The following XPO5 variants were observed in gnomAD, a reference collection of about 807,000 sequenced individuals.
XPO5 encodes exportin 5, also known as exportin-5.
Under a neutral mutation model 160.6 loss-of-function variants are expected in XPO5, and 46 were observed. The observed-to-expected ratio is 0.29, with a 90% CI of 0.23 to 0.37. The LOEUF (loss-of-function observed/expected upper bound fraction) is 0.37, where lower values mean the gene tolerates loss of function less well. Ranked by LOEUF, XPO5 falls within the 10% of genes least tolerant of loss-of-function variation. The pLI, the probability that XPO5 is intolerant of heterozygous loss-of-function variation, is 1.00. For missense variants in XPO5, 1,090 were observed against 1,463.9 expected (o/e 0.74, Z 4.17); for synonymous variants, 537 against 519.3 (o/e 1.03, Z -0.46).
chr6:43,542,613 A>G (rs572893502), intron 20 of XPO5, among the ~76,000 whole-genome samples: 1 of 152,016 alleles, frequency 6.6e-6, no homozygotes, highest in South Asian at 2.1e-4. Context: ...TTGAGTAGAG[A>G]CGGGGTTTCA....
Position 43,531,598 on chromosome 6 carries a change from A to G in XPO5, c.2444-23T>C, listed in dbSNP as rs772823582. On this transcript the variant is annotated intron_variant, in intron 21 of 31. Transcript: ENST00000265351. The stretch of plus-strand genomic sequence containing the variant: ...ATCCTACAGGGAAATACGGGTCAAG[A>G]ACATGATGCTCCACTGTCAGGAGTC... 4 of 1,591,036 alleles carry G rather than the reference A, an allele frequency of 2.5e-6. No homozygotes were observed. In the African/African-American group the frequency reaches 4.0e-5, roughly 16 times the overall value.
At chr6:43,526,041 G>A in intron 27 of XPO5, 120 bp from the exon 28 acceptor site, 1 of 1,078,850 alleles carries the variant, frequency 9.3e-7, no homozygotes, top group Non-Finnish European at 1.4e-6. Context: ...TGGTGGCTAA[G>A]TAGTACTAGG....
intron 9 of XPO5, chr6:43,561,270 A>T (rs1413640192): frequency 2.6e-6 from 1 of 383,206 alleles, no homozygotes. Context: ...AATAAAAAAC[A>T]CTCATTTCAG....
intron 2 of XPO5, 129 bp downstream of exon 2, chr6:43,573,346 AACATC>A (rs1763109231): frequency 8.3e-7 from 1 of 1,203,634 alleles, no homozygotes; most frequent in East Asian, 2.6e-5. Context: ...AGGTTCTGAT[AACATC>A]TAGGGGATCA....
In XPO5 at chr6:43,575,795, T is replaced by C. The variant is rs1554137468; in HGVS notation, c.70A>G (p.Asn24Asp). The change falls in exon 1 of 32, where the codon AAC (asparagine) becomes GAC (aspartate). Residue 24 changes from asparagine (N) to aspartate (D), a missense_variant. Coordinates refer to ENST00000265351, the MANE Select transcript of XPO5 (RefSeq NM_020750.3). ...VKAVTVMMDP[N>D]STQRYRLEAL... is the part of the protein sequence containing the mutation. ...TCCAGCCGGTAGCGCTGGGTGGAGTTGGGGTCCATCATGACCGTCACCGCT... is the reference window on the plus strand; with the variant it reads ...TCCAGCCGGTAGCGCTGGGTGGAGTCGGGGTCCATCATGACCGTCACCGCT... 3 of 1,613,728 alleles carry C rather than the reference T, an allele frequency of 1.9e-6. No individual in the cohort carries two copies. The highest frequency in any genetic ancestry group is 2.5e-6 in the Non-Finnish European group (3 of 1,179,730).
rs766718728 is a variant in XPO5, at chr6:43,570,893, G to A, written c.402C>T (p.Asp134=). Residue 134 remains aspartate, a synonymous_variant, in exon 4 of 32, where the codon GAC becomes GAT. Coordinates refer to ENST00000265351, the MANE Select transcript of XPO5 (RefSeq NM_020750.3). Reference sequence around the variant, plus strand: ...AAAGAGTGTCCAATTCTATTAGCATGTCAGGCCAATGCTGTGGCCACTCTC... The same window carrying A: ...AAAGAGTGTCCAATTCTATTAGCATATCAGGCCAATGCTGTGGCCACTCTC... ...IKREWPQHWP[D]MLIELDTLSK... 7.4e-6 allele frequency: 12 copies of A among 1,613,198 alleles called. No individual in the cohort carries two copies. The South Asian group carries it at 1.3e-4, about 18-fold the overall frequency.
At chr6:43,561,347 C>T (rs939718179) in intron 9 of XPO5, 2 of 223,972 alleles carry the variant, frequency 8.9e-6, no homozygotes, top group African/African-American at 2.3e-5. Flanking sequence ...CTCTGTGTCC[C>T]AACCTATTAC....
intron 12 of XPO5, chr6:43,556,245 T>G: frequency 3.0e-6 from 1 of 335,842 alleles, no homozygotes; most frequent in East Asian, 6.3e-5. Flanking sequence ...AAATCAGGAT[T>G]GGGCACAGTA....
At chr6:43,568,501 G>C (rs967501965) in intron 6 of XPO5, among the ~76,000 whole-genome samples, 1 of 152,028 alleles carries the variant, frequency 6.6e-6, no homozygotes, top group Non-Finnish European at 1.5e-5. Flanking sequence ...AGCTACTCAT[G>C]AAGTTGAGGT....
rs776064724 is a variant in XPO5, at chr6:43,551,375, A to C, written c.1651T>G (p.Cys551Gly). The change falls in exon 15 of 32, where the codon TGC becomes GGC. Residue 551 changes from cysteine (C) to glycine (G), a missense_variant. Around this residue, in one of 3 missense-constraint regions of XPO5, gnomAD observed 810 missense variants for 1,139.0 expected, o/e 0.71. Coordinates refer to ENST00000265351, the MANE Select transcript of XPO5 (RefSeq NM_020750.3). ...AGTGCAGAGACATTAGTAAGGACGC[A>C]GGACAGGATGAGGGGATCCTTGGTA... Reference protein sequence around the residue: ...FDTKDPLILSCVLTNVSALFP... With the variant: ...FDTKDPLILSGVLTNVSALFP... The C allele has an allele frequency of 9.9e-6, 16 of 1,614,002 alleles. No individual in the cohort carries two copies. In the East Asian group the frequency reaches 3.6e-4, roughly 36 times the overall value.
chr6:43,567,408 A>G, intron 6 of XPO5, 54 bp from the exon 7 acceptor site: 6 of 1,496,952 alleles, frequency 4.0e-6, no homozygotes, highest in Non-Finnish European at 4.5e-6. Context: ...CAGGTAAGGA[A>G]TCAGTGGTTA....
At chr6:43,536,417 C>CAA (rs34540299) in intron 20 of XPO5, among the ~76,000 whole-genome samples, 10 of 137,448 alleles carry the variant, frequency 7.3e-5, no homozygotes, top group Non-Finnish European at 1.2e-4. Context: ...TCCAACTCGA[C>CAA]AAAAAAAAAA....
At chr6:43,561,927 CAG>C (rs1212974171) in intron 9 of XPO5, 1 of 192,532 alleles carries the variant, frequency 5.2e-6, no homozygotes, top group Non-Finnish European at 1.1e-5. Context: ...CGTGGGCTAA[CAG>C]AATGTAAAAG....
At position 43,524,557 on chromosome 6, in the gene XPO5, A is replaced by G. The variant is rs1444719079; in HGVS notation, c.3391T>C (p.Cys1131Arg). The change falls in exon 31 of 32, where the codon TGC becomes CGC. Residue 1131 changes from cysteine (C) to arginine (R), a missense_variant. Physicochemically the swap from Cys to Arg is radical, Grantham distance 180. This residue lies in a region of XPO5 where 810 missense variants were observed against 1,139.0 expected (regional missense o/e 0.71). Transcript: ENST00000265351. ...TGCAGGGAGGGGTTTAAAAGCTTGC[A>G]GTCAAACTGGTCCAGTGAGTCCTTC... is the stretch of plus-strand genomic sequence containing the variant. The part of the protein sequence containing the change: ...IQKDSLDQFD[C>R]KLLNPSLQKV... The G allele has an allele frequency of 3.1e-6, 5 of 1,613,874 alleles. No homozygotes were observed. Among genetic ancestry groups the G allele is most frequent in the Non-Finnish European group, 4.2e-6 (5 of 1,179,898 alleles).
In XPO5 at chr6:43,575,735, C is replaced by T. The variant is rs563064974; in HGVS notation, c.105+25G>A. On this transcript the variant is annotated intron_variant, in intron 1 of 31. Coordinates refer to ENST00000265351, the MANE Select transcript of XPO5 (RefSeq NM_020750.3). ...GGCTGGGAGAGGGTGTCGGGACCGG[C>T]CCAGGACGCCAGGACCCCAGCTACC... is the stretch of plus-strand genomic sequence containing the variant. 1.9e-6 allele frequency: 3 copies of T among 1,598,388 alleles called. No homozygotes were observed. In the Admixed American group the frequency reaches 5.1e-5, roughly 27 times the overall value.
chr6:43,524,047 G>C, intron 31 of XPO5, 42 bp from the exon 32 acceptor site: 1 of 1,598,276 alleles, frequency 6.3e-7, no homozygotes, highest in Non-Finnish European at 8.5e-7. Flanking sequence ...TGGGCCCTCA[G>C]TAGTAGTTAA....
chr6:43,529,123 T>C (rs1210720129), intron 23 of XPO5, 198 bp from the exon 24 acceptor site: 50 of 1,164,372 alleles, frequency 4.3e-5, no homozygotes, highest in Non-Finnish European at 5.7e-5. Context: ...CATTATACTC[T>C]TAGTTTAGCT....
At chr6:43,525,026 C>T (rs1793475846) in intron 29 of XPO5, 58 bp from the exon 30 acceptor site, 1 of 1,593,906 alleles carries the variant, frequency 6.3e-7, no homozygotes, top group African/African-American at 1.3e-5. Context: ...CCTCAGCACC[C>T]CAGTTCTTCT....
Position 43,525,899 on chromosome 6 carries a change from C to G in XPO5, c.3006G>C (p.Glu1002Asp), listed in dbSNP as rs1481209626. The G allele has an allele frequency of 6.2e-7, 1 of 1,613,868 alleles. No homozygotes were observed. The highest frequency in any genetic ancestry group is 1.7e-5 in the Admixed American group (1 of 59,996). ...DGDDEEMMAT[E>D]VTPSAMAELT... is the part of the protein sequence containing the mutation. ...GCTCTGCCATAGCTGAGGGGGTGAC[C>G]TCTGTGGCCATCATTTCTTCATCTG... The change falls in exon 28 of 32, where the codon GAG becomes GAC. Residue 1002 changes from glutamate to aspartate, a missense_variant. Physicochemically the swap from Glu to Asp is conservative, Grantham distance 45 (BLOSUM62 2). This residue lies in a region of XPO5 where 810 missense variants were observed against 1,139.0 expected (regional missense o/e 0.71). Transcript: ENST00000265351.
Sources: allele counts gnomAD v4.1 joint callset (sites outside exome capture counted in the v4.1 genomes callset), GRCh38; gene constraint gnomAD v4.1.1; regional missense constraint gnomAD v4.1.1; transcripts MANE v1.5; gene names NCBI Gene and HGNC (gene_info 2026-07-23, HGNC 2026-07-21).